The following RHBDD1 variants were observed in gnomAD, a reference collection of about 807,000 sequenced individuals.
The protein encoded by RHBDD1 is rhomboid domain containing 1.
RHBDD1 carries 38 observed loss-of-function variants against 36.3 expected under a neutral mutation model. The observed-to-expected ratio is 1.05, with a 90% confidence interval of 0.81 to 1.37. The LOEUF (loss-of-function observed/expected upper bound fraction) is 1.37, where lower values mean the gene tolerates loss of function less well. RHBDD1 is among the 40% of genes most tolerant of loss of function. RHBDD1 has a pLI of 0.00. For synonymous variants in RHBDD1, 151 were observed against 136.5 expected (o/e 1.11, Z -0.74); for missense variants, 393 against 377.6 (o/e 1.04, Z -0.34).
chr2:226,957,159 A>G (rs1951839265), intron 8 of RHBDD1, among the ~76,000 whole-genome samples: 1 of 152,238 alleles, frequency 6.6e-6, no homozygotes, highest in South Asian at 2.1e-4. Context: ...TTTAAGCACA[A>G]ATAACCAAAG....
chr2:226,929,606 C>T (rs1036299830), intron 8 of RHBDD1, among the ~76,000 whole-genome samples: 2 of 152,062 alleles, frequency 1.3e-5, no homozygotes, highest in South Asian at 2.1e-4. Context: ...ATAAGGATGC[C>T]CGCTTTCACC....
intron 8 of RHBDD1, among the ~76,000 whole-genome samples, chr2:226,993,203 T>C (rs903901606): frequency 6.6e-6 from 1 of 152,244 alleles, no homozygotes; most frequent in Non-Finnish European, 1.5e-5. Flanking sequence ...TGCGGGCTTT[T>C]TCTTTTGAAG....
At chr2:226,815,549 A>G in the RHBDD1 span, among the ~76,000 whole-genome samples, 1 of 152,200 alleles carries the variant, frequency 6.6e-6, no homozygotes, top group Non-Finnish European at 1.5e-5. Context: ...TATTTTAGAC[A>G]GTTTTATATT....
the RHBDD1 span, among the ~76,000 whole-genome samples, chr2:226,825,500 AAAACACTCAATAGAT>A: frequency 1.3e-5 from 2 of 152,236 alleles, no homozygotes; most frequent in Non-Finnish European, 2.9e-5. Context: ...AGATCTATCT[AAAACACTCAATAGAT>A]AAATACTTCC....
At chr2:226,907,125 A>G in intron 6 of RHBDD1, 2 of 573,512 alleles carry the variant, frequency 3.5e-6, no homozygotes, top group South Asian at 4.1e-5. Flanking sequence ...GTATATATTT[A>G]TACCCTCAAC....
chr2:226,836,390 G>T (rs557962118), intron 1 of RHBDD1, among the ~76,000 whole-genome samples: 8 of 152,388 alleles, frequency 5.2e-5, no homozygotes, highest in African/African-American at 1.4e-4. Context: ...GAAGGGGTTG[G>T]CGCTGAGCGA....
intron 8 of RHBDD1, among the ~76,000 whole-genome samples, chr2:226,971,343 TG>T (rs900361317): frequency 4.6e-4 from 70 of 152,350 alleles, no homozygotes; most frequent in African/African-American, 1.7e-3. Flanking sequence ...CAAAGTCTGG[TG>T]TCGAAGGACG....
the RHBDD1 span, chr2:226,808,493 G>A: frequency 6.6e-6 from 1 of 152,246 alleles, no homozygotes; most frequent in Admixed American, 6.5e-5. Flanking sequence ...TTGAAAGGCT[G>A]GAGCCTGGAA....
chr2:226,975,540 A>T (rs961671737), intron 8 of RHBDD1, among the ~76,000 whole-genome samples: 1 of 152,118 alleles, frequency 6.6e-6, no homozygotes, highest in Non-Finnish European at 1.5e-5. Flanking sequence ...TCCTACTCAG[A>T]TGATAGAAAA....
intron 8 of RHBDD1, among the ~76,000 whole-genome samples, chr2:226,973,331 AT>A (rs1373053002): frequency 6.6e-6 from 1 of 152,200 alleles, no homozygotes; most frequent in Non-Finnish European, 1.5e-5. Context: ...TGTTTAAGAC[AT>A]TTTCCTGTGC....
intron 3 of RHBDD1, among the ~76,000 whole-genome samples, chr2:226,841,834 A>G (rs1169768826): frequency 2.6e-5 from 4 of 152,172 alleles, no homozygotes; most frequent in Non-Finnish European, 5.9e-5. Context: ...GCTGGGTCTA[A>G]TGGTATTTCT....
chr2:226,972,691 T>TGATAG (rs1436127234), intron 8 of RHBDD1, among the ~76,000 whole-genome samples: 1 of 152,210 alleles, frequency 6.6e-6, no homozygotes, highest in Non-Finnish European at 1.5e-5. Context: ...TAGACACCTA[T>TGATAG]GATAGTGACA....
chr2:226,914,345 G>GTTGTAAAAA lies in RHBDD1; in HGVS notation c.850_851insTTGTAAAAA (p.Asp284delinsValValLysAsn). 1.2e-6 allele frequency: 2 copies of GTTGTAAAAA among 1,613,074 alleles called. No individual in the cohort carries two copies. Among genetic ancestry groups the GTTGTAAAAA allele is most frequent in the Non-Finnish European group, 1.7e-6 (2 of 1,179,466 alleles). On this transcript the variant is annotated protein_altering_variant, in exon 8 of 9. Coordinates refer to ENST00000392062, the MANE Select transcript of RHBDD1 (RefSeq NM_001167608.3). ...GAGAGCATTACAAGCCAGCCTCTGG[G>GTTGTAAAAA]ACCGAGGTAGGAGTCTTGCGCCCTT...
upstream of RHBDD1, among the ~76,000 whole-genome samples, chr2:226,832,570 T>A (rs140372537): frequency 6.4e-3 from 978 of 152,336 alleles, 16 homozygotes; most frequent in African/African-American, 0.022. Flanking sequence ...TACTGAAATA[T>A]CAAACTACTG....
intron 8 of RHBDD1, among the ~76,000 whole-genome samples, chr2:226,920,768 T>C (rs1201843595): frequency 1.3e-5 from 2 of 152,034 alleles, no homozygotes; most frequent in Non-Finnish European, 2.9e-5. Flanking sequence ...ATATGTTGAA[T>C]TCAATTTGCT....
intron 8 of RHBDD1, among the ~76,000 whole-genome samples, chr2:226,969,741 T>G (rs996761767): frequency 2.0e-5 from 3 of 152,218 alleles, no homozygotes; most frequent in Admixed American, 2.0e-4. Flanking sequence ...TATGCCTAAG[T>G]CATTAAAAAG....
the RHBDD1 span, among the ~76,000 whole-genome samples, chr2:226,810,366 C>A: frequency 6.6e-6 from 1 of 151,406 alleles, no homozygotes; most frequent in African/African-American, 2.4e-5. Flanking sequence ...ATGACAAAAT[C>A]CCGTCTCTAC....
chr2:226,815,240 C>T, the RHBDD1 span, among the ~76,000 whole-genome samples: 6 of 152,166 alleles, frequency 3.9e-5, no homozygotes, highest in Non-Finnish European at 8.8e-5. Context: ...TTCATGAACT[C>T]TAATTGTTGG....
the RHBDD1 span, among the ~76,000 whole-genome samples, chr2:226,812,167 G>C: frequency 2.6e-5 from 4 of 152,342 alleles, no homozygotes; most frequent in African/African-American, 9.6e-5. Context: ...TTCTAGGCTA[G>C]GAGTACAAGG....
Sources: allele counts gnomAD v4.1 joint callset (sites outside exome capture counted in the v4.1 genomes callset), GRCh38; gene constraint gnomAD v4.1.1; transcripts MANE v1.5; gene names NCBI Gene and HGNC (gene_info 2026-07-23, HGNC 2026-07-21).